The following EDA variants were observed in gnomAD, a reference collection of about 807,000 sequenced individuals.
The protein encoded by EDA is ectodysplasin A.
Under a neutral mutation model 23.6 loss-of-function variants are expected in EDA, and 2 were observed. The observed-to-expected ratio is 0.08, with a 90% CI of 0.03 to 0.27. The LOEUF is 0.27. EDA is among the 10% of genes least tolerant of loss of function. EDA has a pLI of 1.00. For synonymous variants in EDA, 131 were observed against 132.0 expected, an observed-to-expected ratio of 0.99 and a Z score of 0.05; for missense variants, 229 against 324.2, an observed-to-expected ratio of 0.71 and a Z score of 2.26.
chrX:69,951,109 GA>G (rs199629959), intron 1 of EDA, among the ~76,000 whole-genome samples: 3 of 102,145 alleles, frequency 2.9e-5, no homozygotes, highest in African/African-American at 1.1e-4. Context: ...AATAAAAAAA[GA>G]AAAAAAAAGA....
intron 2 of EDA, among the ~76,000 whole-genome samples, chrX:69,978,547 C>G (rs1018857291): frequency 2.8e-5 from 3 of 107,349 alleles, no homozygotes; most frequent in Non-Finnish European, 5.8e-5. Flanking sequence ...GCAGCTTTCT[C>G]GAGATATAAT....
In EDA at chrX:69,966,686, G is replaced by A. The variant is rs191763546; in HGVS notation, c.502+9554G>A. 6.0e-4 allele frequency among the ~76,000 whole-genome samples: 66 copies of A among 109,642 alleles called. No individual in the cohort carries two copies. The East Asian group carries it at 8.8e-3, about 15-fold the overall frequency. The stretch of plus-strand genomic sequence containing the variant: ...GGATAACTCTAATATCTATGAATAA[G>A]AAAATGGTAAAATAAACTACGACAT... On this transcript the variant is annotated intron_variant, in intron 2 of 7. Coordinates refer to ENST00000374552, the MANE Select transcript of EDA (RefSeq NM_001399.5).
At chrX:69,841,133 A>G (rs2016886803) in intron 1 of EDA, among the ~76,000 whole-genome samples, 1 of 112,358 alleles carries the variant, frequency 8.9e-6, no homozygotes, top group Non-Finnish European at 1.9e-5. Flanking sequence ...TGTTTGTTCC[A>G]TGAATTTTAA....
intron 1 of EDA, among the ~76,000 whole-genome samples, chrX:69,916,960 G>A (rs1021796797): frequency 2.5e-4 from 28 of 110,414 alleles, no homozygotes; most frequent in African/African-American, 8.6e-4. Flanking sequence ...TGTTGAGATA[G>A]AGTCTTGCTC....
Position 69,679,747 on chromosome X carries a change from T to A in EDA, c.396+63043T>A, listed in dbSNP as rs755219564. Reference sequence around the variant, plus strand: ...TTAGTCTTGCTAGCGGTTTATCAATTTTGTTGATCTTTTCAAAAACCCAGC... The same window carrying A: ...TTAGTCTTGCTAGCGGTTTATCAATATTGTTGATCTTTTCAAAAACCCAGC... On this transcript the variant is annotated intron_variant, in intron 1 of 7. Transcript: ENST00000374552. Among the ~76,000 whole-genome samples, 49 of 111,677 alleles carry A rather than the reference T, an allele frequency of 4.4e-4. 1 individual carries two copies. Among genetic ancestry groups the A allele is most frequent in the African/African-American group, 1.5e-3 (46 of 30,729 alleles).
chrX:69,709,597 G>GT (rs771412811), intron 1 of EDA, among the ~76,000 whole-genome samples: 1 of 111,717 alleles, frequency 9.0e-6, no homozygotes, highest in East Asian at 2.8e-4. Context: ...GGGTGAACGA[G>GT]TTTTTTTCCT....
chrX:69,916,857 T>G (rs759445183), intron 1 of EDA, among the ~76,000 whole-genome samples: 29 of 111,273 alleles, frequency 2.6e-4, no homozygotes, highest in African/African-American at 8.8e-4. Flanking sequence ...CATTACATTT[T>G]TTAATATCTA....
chrX:69,666,436 C>T (rs754340941), intron 1 of EDA, among the ~76,000 whole-genome samples: 1 of 112,458 alleles, frequency 8.9e-6, no homozygotes, highest in Non-Finnish European at 1.9e-5. Flanking sequence ...GTGGGTTTTT[C>T]ATAAAATGGC....
intron 2 of EDA, among the ~76,000 whole-genome samples, chrX:69,973,662 G>A (rs1213553631): frequency 9.0e-6 from 1 of 111,255 alleles, no homozygotes; most frequent in African/African-American, 3.3e-5. Flanking sequence ...CCATATATAC[G>A]ACAGGAGACT....
intron 2 of EDA, among the ~76,000 whole-genome samples, chrX:69,971,272 A>G (rs1368574184): frequency 8.9e-6 from 1 of 112,284 alleles, no homozygotes; most frequent in Non-Finnish European, 1.9e-5. Context: ...GGTCAAATGA[A>G]TTGATGTCTG....
intron 1 of EDA, among the ~76,000 whole-genome samples, chrX:69,884,995 T>C (rs2017806625): frequency 8.9e-6 from 1 of 112,047 alleles, no homozygotes; most frequent in Admixed American, 9.5e-5. Flanking sequence ...TTATCTCTCT[T>C]TTCTATTATA....
chrX:69,814,289 T>C (rs1399144470), intron 1 of EDA, among the ~76,000 whole-genome samples: 1 of 112,462 alleles, frequency 8.9e-6, no homozygotes, highest in Non-Finnish European at 1.9e-5. Flanking sequence ...TTTCTATGTT[T>C]CCCAGATTTG....
chrX:69,662,841 T>C (rs1933557836), intron 1 of EDA, among the ~76,000 whole-genome samples: 1 of 112,422 alleles, frequency 8.9e-6, no homozygotes, highest in Admixed American at 9.4e-5. Context: ...GGAGCAAAGA[T>C]GACTCTTGCT....
chrX:69,768,478 T>C (rs1212830112), intron 1 of EDA, among the ~76,000 whole-genome samples: 1 of 111,488 alleles, frequency 9.0e-6, no homozygotes, highest in East Asian at 2.8e-4. Flanking sequence ...ATGTATTGCA[T>C]TGACATCTTT....
intron 1 of EDA, among the ~76,000 whole-genome samples, chrX:69,879,419 C>A (rs760036819): frequency 9.0e-6 from 1 of 111,513 alleles, no homozygotes; most frequent in East Asian, 2.8e-4. Context: ...GCGTCCAGGG[C>A]CAAGTGGCTG....
At chrX:69,882,950 C>A (rs2017771998) in intron 1 of EDA, among the ~76,000 whole-genome samples, 1 of 112,157 alleles carries the variant, frequency 8.9e-6, no homozygotes, top group East Asian at 2.8e-4. Flanking sequence ...GATCCACCCC[C>A]CAATCCCTTG....
chrX:69,746,233 A>G (rs1422381952), intron 1 of EDA, among the ~76,000 whole-genome samples: 2 of 111,403 alleles, frequency 1.8e-5, no homozygotes, highest in Non-Finnish European at 3.8e-5. Flanking sequence ...AACACTAAGC[A>G]ATATCATGTT....
chrX:69,834,126 A>T (rs2016703340), intron 1 of EDA, among the ~76,000 whole-genome samples: 1 of 110,544 alleles, frequency 9.0e-6, no homozygotes, highest in African/African-American at 3.3e-5. Flanking sequence ...TACAAAGGAC[A>T]TGAACTCATC....
At chrX:69,952,402 A>T (rs1440500529) in intron 1 of EDA, among the ~76,000 whole-genome samples, 1 of 111,633 alleles carries the variant, frequency 9.0e-6, no homozygotes, top group African/African-American at 3.3e-5. Context: ...GAGCTTGTGC[A>T]GGGGAAGTCC....
Sources: gnomAD v4.1 joint callset for allele counts (sites outside exome capture counted in the v4.1 genomes callset) on GRCh38, gnomAD v4.1.1 for gene constraint, MANE v1.5 for transcripts, NCBI Gene and HGNC (gene_info 2026-07-23, HGNC 2026-07-21) for gene names.